The following EYS variants were observed in gnomAD, a reference collection of about 807,000 sequenced individuals.
EYS encodes the protein protein eyes shut homolog.
A neutral mutation model predicts 282.1 loss-of-function variants in EYS; 250 were observed. The ratio of observed to expected loss-of-function variants is 0.89; its 90% confidence interval spans 0.80 to 0.98. The LOEUF is 0.98. EYS is among the 50% of genes least tolerant of loss of function. The pLI, the probability that EYS is intolerant of heterozygous loss-of-function variation, is 0.00. For synonymous variants in EYS, 1,355 were observed against 1,282.9 expected (o/e 1.06, Z -1.20); for missense variants, 4,016 against 3,709.0 (o/e 1.08, Z -2.15).
intron 26 of EYS, among the ~76,000 whole-genome samples, chr6:64,559,805 T>C (rs1208542278): frequency 2.6e-5 from 4 of 152,098 alleles, no homozygotes; most frequent in South Asian, 4.1e-4. Context: ...AGGTTTGTTA[T>C]ATAGGTAAAC....
At chr6:64,425,657 GAAAAAAAAA>G (rs34577912) in intron 28 of EYS, among the ~76,000 whole-genome samples, 1 of 67,848 alleles carries the variant, frequency 1.5e-5, no homozygotes, top group African/African-American at 5.7e-5. Flanking sequence ...TCCATCCCAG[GAAAAAAAAA>G]AAAAAAAAAA....
intron 35 of EYS, among the ~76,000 whole-genome samples, chr6:63,939,298 A>G (rs58943807): frequency 0.013 from 2,003 of 152,298 alleles, 23 homozygotes; most frequent in East Asian, 0.068. Context: ...TAAAATTTTC[A>G]TAGGCATGAT....
intron 12 of EYS, among the ~76,000 whole-genome samples, chr6:65,196,105 T>C (rs16896391): frequency 0.22 from 34,133 of 151,972 alleles, 3,966 homozygotes; most frequent in Middle Eastern, 0.25. Context: ...TTATCCCATT[T>C]ATATTTTTTG....
intron 13 of EYS, among the ~76,000 whole-genome samples, chr6:65,017,352 A>G (rs753354673): frequency 4.6e-5 from 7 of 152,214 alleles, no homozygotes; most frequent in Non-Finnish European, 8.8e-5. Context: ...TTCATTTTAA[A>G]TTTATGACTT....
intron 19 of EYS, among the ~76,000 whole-genome samples, chr6:64,856,596 G>C (rs2150045540): frequency 6.6e-6 from 1 of 152,136 alleles, no homozygotes; most frequent in Admixed American, 6.5e-5. Flanking sequence ...ATGGTGCCTG[G>C]CCTGCCCATT....
chr6:65,218,993 T>C (rs546137396), intron 12 of EYS, among the ~76,000 whole-genome samples: 1 of 152,166 alleles, frequency 6.6e-6, no homozygotes, highest in South Asian at 2.1e-4. Context: ...AGAATGCTAA[T>C]GAGAGGTGGA....
intron 12 of EYS, among the ~76,000 whole-genome samples, chr6:65,179,978 C>T (rs1428090078): frequency 6.6e-6 from 1 of 152,058 alleles, no homozygotes; most frequent in African/African-American, 2.4e-5. Context: ...TCAATAGATG[C>T]ATAAAAGGCC....
chr6:65,188,039 A>G (rs1209102637), intron 12 of EYS, among the ~76,000 whole-genome samples: 1 of 151,640 alleles, frequency 6.6e-6, no homozygotes, highest in Non-Finnish European at 1.5e-5. Flanking sequence ...ATTATATTCA[A>G]ATTTGCTTTC....
At chr6:63,928,391 G>T (rs1001416575) in intron 35 of EYS, among the ~76,000 whole-genome samples, 1 of 152,124 alleles carries the variant, frequency 6.6e-6, no homozygotes, top group Non-Finnish European at 1.5e-5. Context: ...ATTTTTGTAT[G>T]TTTTATTCAC....
chr6:65,648,399 T>G (rs1408175885), intron 1 of EYS, among the ~76,000 whole-genome samples: 3 of 151,788 alleles, frequency 2.0e-5, no homozygotes, highest in Non-Finnish European at 2.9e-5. Flanking sequence ...AATAATGGTA[T>G]TTGCAGCAAC....
At chr6:63,789,337 C>T (rs1770449979) in intron 37 of EYS, 113 bp from the exon 38 acceptor site, 2 of 1,018,252 alleles carry the variant, frequency 2.0e-6, no homozygotes, top group Admixed American at 2.7e-5. Flanking sequence ...AGTTATAATA[C>T]ATATTTAGTC....
At chr6:65,356,937 A>G (rs1361320383) in intron 8 of EYS, among the ~76,000 whole-genome samples, 1 of 152,070 alleles carries the variant, frequency 6.6e-6, no homozygotes, top group African/African-American at 2.4e-5. Context: ...ACATGAAAAT[A>G]GATGTACAAT....
intron 26 of EYS, among the ~76,000 whole-genome samples, chr6:64,536,441 T>C (rs1160465734): frequency 8.5e-5 from 13 of 152,198 alleles, no homozygotes. Flanking sequence ...ACAGGTACTC[T>C]CTATTACATG....
At chr6:64,413,252 G>C (rs1773960186) in intron 28 of EYS, among the ~76,000 whole-genome samples, 1 of 152,072 alleles carries the variant, frequency 6.6e-6, no homozygotes, top group South Asian at 2.1e-4. Context: ...CTTCTACAGA[G>C]CTCCAAGATC....
chr6:65,345,212 T>A (rs2150320823), intron 9 of EYS, among the ~76,000 whole-genome samples: 1 of 151,912 alleles, frequency 6.6e-6, no homozygotes, highest in East Asian at 1.9e-4. Context: ...GTAATTTGAC[T>A]GTTTATAAAT....
At chr6:65,151,167 A>G (rs1764603081) in intron 12 of EYS, among the ~76,000 whole-genome samples, 1 of 152,118 alleles carries the variant, frequency 6.6e-6, no homozygotes, top group African/African-American at 2.4e-5. Flanking sequence ...AAAAATATGG[A>G]AAACATTTGT....
At chr6:64,212,217 GAA>G (rs1301432166) in intron 31 of EYS, among the ~76,000 whole-genome samples, 1 of 151,960 alleles carries the variant, frequency 6.6e-6, no homozygotes, top group Non-Finnish European at 1.5e-5. Context: ...CATCTAGAGA[GAA>G]AATCTGGAAG....
chr6:64,940,126 C>G (rs76109207), intron 15 of EYS, among the ~76,000 whole-genome samples: 2,419 of 152,118 alleles, frequency 0.016, 65 homozygotes, highest in African/African-American at 0.055. Flanking sequence ...AGAGCAAAGA[C>G]CCACTCTTTG....
At chr6:65,398,330 A>G (rs1433642134) in intron 7 of EYS, among the ~76,000 whole-genome samples, 1 of 152,070 alleles carries the variant, frequency 6.6e-6, no homozygotes, top group Non-Finnish European at 1.5e-5. Context: ...CATACCTACA[A>G]CAAATTGATC....
Sources: allele counts gnomAD v4.1 joint callset (sites outside exome capture counted in the v4.1 genomes callset), GRCh38; gene constraint gnomAD v4.1.1; transcripts MANE v1.5; gene names NCBI Gene and HGNC (gene_info 2026-07-23, HGNC 2026-07-21).